The following PAWR variants were observed in gnomAD, a reference collection of about 807,000 sequenced individuals.
The protein encoded by PAWR is pro-apoptotic WT1 regulator, also known as PRKC apoptosis WT1 regulator protein.
A neutral mutation model predicts 32.0 loss-of-function variants in PAWR; 23 were observed. The ratio of observed to expected loss-of-function variants is 0.72; its 90% CI spans 0.52 to 1.02. The LOEUF (loss-of-function observed/expected upper bound fraction) is 1.02, where lower values mean the gene tolerates loss of function less well. PAWR is among the 50% of genes least tolerant of loss of function. The pLI, the probability that PAWR is intolerant of heterozygous loss-of-function variation, is 0.00. For synonymous variants in PAWR, 226 were observed against 187.1 expected (o/e 1.21, Z -1.70); for missense variants, 457 against 437.7 (o/e 1.04, Z -0.39).
At chr12:79,621,289 TAAAG>T (rs1171179770) in intron 2 of PAWR, 82 bp from the exon 3 acceptor site, 2 of 1,034,298 alleles carry the variant, frequency 1.9e-6, no homozygotes, top group Non-Finnish European at 2.8e-6. Context: ...TTGATAGTAT[TAAAG>T]AAATATTTGT....
intron 3 of PAWR, among the ~76,000 whole-genome samples, chr12:79,617,586 A>AG (rs11465180): frequency 0.36 from 54,191 of 152,058 alleles, 16,510 homozygotes; most frequent in African/African-American, 0.83. Flanking sequence ...GTGCAGTGAA[A>AG]GGTCCCTTAT....
intron 4 of PAWR, among the ~76,000 whole-genome samples, chr12:79,608,304 G>A (rs371615146): frequency 6.6e-6 from 1 of 152,116 alleles, no homozygotes; most frequent in Admixed American, 6.6e-5. Flanking sequence ...AGGACCAGGG[G>A]GATGGCAGGG....
chr12:79,591,731 G>A lies in PAWR; in HGVS notation c.*876C>T, dbSNP rs1456715742. 1 of 152,016 alleles carries A rather than the reference G, an allele frequency of 6.6e-6. No individual in the cohort carries two copies. The highest frequency in any genetic ancestry group is 1.9e-4 in the East Asian group (1 of 5,192). The allele number at this position is 152,016 out of a possible 1,614,324, so 9.4% of individuals were successfully genotyped here. ...ATATTGTTTTGTATGAATGTTTTAA[G>A]TATGAATAATATTTTGGTTTTTAGT... On this transcript the variant is annotated 3_prime_UTR_variant, in exon 7 of 7. Coordinates refer to ENST00000328827, the MANE Select transcript of PAWR (RefSeq NM_002583.4).
At chr12:79,612,507 T>C (rs1874487172) in intron 4 of PAWR, among the ~76,000 whole-genome samples, 2 of 152,204 alleles carry the variant, frequency 1.3e-5, no homozygotes, top group South Asian at 2.1e-4. Flanking sequence ...TTAATAAAAA[T>C]GTGGGCTCCA....
At chr12:79,609,542 A>G (rs1374737744) in intron 4 of PAWR, among the ~76,000 whole-genome samples, 2 of 152,042 alleles carry the variant, frequency 1.3e-5, no homozygotes, top group Non-Finnish European at 2.9e-5. Flanking sequence ...CTGTGCCCAT[A>G]AAAACCTCAG....
intron 2 of PAWR, among the ~76,000 whole-genome samples, chr12:79,632,376 T>C (rs866819033): frequency 1.7e-5 from 2 of 115,366 alleles, no homozygotes; most frequent in Non-Finnish European, 3.4e-5. Flanking sequence ...TTTTTTTTTT[T>C]AGACAGGGTC....
chr12:79,597,354 G>A (rs73360710), intron 4 of PAWR, among the ~76,000 whole-genome samples: 1,683 of 152,234 alleles, frequency 0.011, 40 homozygotes, highest in African/African-American at 0.038. Flanking sequence ...TGTGAGCATT[G>A]TGCCTGGCCT....
intron 2 of PAWR, among the ~76,000 whole-genome samples, chr12:79,644,236 A>G (rs1373506046): frequency 6.6e-6 from 1 of 152,164 alleles, no homozygotes; most frequent in African/African-American, 2.4e-5. Flanking sequence ...GACTTTTATA[A>G]GAAAGACAGA....
chr12:79,687,407 G>C (rs1221400333), intron 2 of PAWR, among the ~76,000 whole-genome samples: 2 of 152,130 alleles, frequency 1.3e-5, no homozygotes, highest in Non-Finnish European at 2.9e-5. Flanking sequence ...TTCCTTGAAG[G>C]AACTTAATGT....
intron 2 of PAWR, among the ~76,000 whole-genome samples, chr12:79,623,095 C>T (rs1333036712): frequency 2.0e-5 from 3 of 151,918 alleles, no homozygotes; most frequent in African/African-American, 7.3e-5. Context: ...GGAACAAGAC[C>T]AAAAGTGAAA....
chr12:79,658,518 T>G (rs942669361), intron 2 of PAWR, among the ~76,000 whole-genome samples: 4 of 152,190 alleles, frequency 2.6e-5, no homozygotes, highest in Non-Finnish European at 5.9e-5. Context: ...TACATACAGA[T>G]GCACATCATC....
chr12:79,667,452 G>A (rs957095007), intron 2 of PAWR, among the ~76,000 whole-genome samples: 8 of 152,170 alleles, frequency 5.3e-5, no homozygotes, highest in African/African-American at 1.9e-4. Flanking sequence ...CACGGGGGAT[G>A]CATTCAGCAA....
chr12:79,633,401 A>C (rs1460452832), intron 2 of PAWR, among the ~76,000 whole-genome samples: 1 of 152,208 alleles, frequency 6.6e-6, no homozygotes, highest in Admixed American at 6.5e-5. Context: ...ACATCATGTC[A>C]TTAGGGAAAT....
intron 2 of PAWR, among the ~76,000 whole-genome samples, chr12:79,636,280 G>A (rs766173866): frequency 2.6e-5 from 4 of 151,950 alleles, no homozygotes; most frequent in Non-Finnish European, 4.4e-5. Context: ...ACAAAACTCA[G>A]TTCAGAAAAA....
At position 79,632,353 on chromosome 12, in the gene PAWR, A is replaced by ATG. The variant is rs1566011162; in HGVS notation, c.517-11147_517-11146insCA. Among the ~76,000 whole-genome samples the ATG allele has an allele frequency of 4.3e-3, 85 of 19,596 alleles. 10 individuals are homozygous for ATG. The highest frequency in any genetic ancestry group is 0.026 in the African/African-American group (83 of 3,222). 12.9% of individuals were successfully genotyped at this position (19,596 alleles called of 152,430 possible). Reference sequence around the variant, plus strand: ...TATATATATATATATATATATATATATATATATATTTTTTTTTTTTTTTAG... The same window carrying ATG: ...TATATATATATATATATATATATATATGTATATATATTTTTTTTTTTTTTTAG... On this transcript the variant is annotated intron_variant, in intron 2 of 6. Coordinates refer to ENST00000328827, the MANE Select transcript of PAWR (RefSeq NM_002583.4).
chr12:79,648,850 T>C (rs552425518), intron 2 of PAWR, among the ~76,000 whole-genome samples: 2 of 152,198 alleles, frequency 1.3e-5, no homozygotes, highest in Admixed American at 6.5e-5. Flanking sequence ...TCTCTAAGTT[T>C]TCAGAAATCC....
rs375023726 is a variant in PAWR at position 79,596,548 on chromosome 12, C to G, written c.794G>C (p.Ser265Thr). ...TTCAATTTTCTTTTCCAGTGTGCTA[C>G]TTGAAACCAGAGTACCTGAAACATT... ...DANVSGTLVS[S>T]STLEKKIEDL... The change falls in exon 5 of 7, where the codon AGT (serine) becomes ACT (threonine). Residue 265 changes from serine to threonine, a missense_variant. Coordinates refer to ENST00000328827, the MANE Select transcript of PAWR (RefSeq NM_002583.4). 2.3e-5 allele frequency: 36 copies of G among 1,594,892 alleles called. No individual in the cohort carries two copies. The highest frequency in any genetic ancestry group is 3.0e-5 in the Non-Finnish European group (35 of 1,166,064).
intron 2 of PAWR, among the ~76,000 whole-genome samples, chr12:79,635,282 C>G (rs983624687): frequency 6.6e-6 from 1 of 152,080 alleles, no homozygotes; most frequent in African/African-American, 2.4e-5. Flanking sequence ...CAAGTCTCTA[C>G]TTTGGCCATA....
chr12:79,599,837 T>TA (rs1491549342), intron 4 of PAWR, among the ~76,000 whole-genome samples: 1 of 151,856 alleles, frequency 6.6e-6, no homozygotes. Context: ...TTGTATGCAG[T>TA]TTTTTTTAAT....
Sources: allele counts gnomAD v4.1 joint callset (sites outside exome capture counted in the v4.1 genomes callset), GRCh38; gene constraint gnomAD v4.1.1; transcripts MANE v1.5; gene names NCBI Gene and HGNC (gene_info 2026-07-23, HGNC 2026-07-21).